PDE1C: variants seen among roughly 807,000 people sequenced by gnomAD.
The protein encoded by PDE1C is phosphodiesterase 1C.
PDE1C carries 62 observed loss-of-function variants against 93.1 expected under a neutral mutation model. The observed-to-expected ratio is 0.67, with a 90% CI of 0.54 to 0.82. The LOEUF (loss-of-function observed/expected upper bound fraction) is 0.82, where lower values mean the gene tolerates loss of function less well. Among genes scored for constraint, PDE1C ranks in the 40% least tolerant of loss-of-function variants. The pLI is 0.00. For missense variants in PDE1C, 742 were observed against 884.6 expected, an observed-to-expected ratio of 0.84 and a Z score of 2.04; for synonymous variants, 325 against 310.1, an observed-to-expected ratio of 1.05 and a Z score of -0.50.
chr7:32,223,909 C>A (rs933706143), intron 1 of PDE1C, among the ~76,000 whole-genome samples: 2 of 152,196 alleles, frequency 1.3e-5, no homozygotes, highest in African/African-American at 4.8e-5. Context: ...CAAAACGCTG[C>A]ACAATGTGGC....
At chr7:32,007,215 C>T (rs1231972007) in intron 2 of PDE1C, among the ~76,000 whole-genome samples, 1 of 152,180 alleles carries the variant, frequency 6.6e-6, no homozygotes, top group East Asian at 1.9e-4. Context: ...CCATTGCTTG[C>T]CATTTTCTGT....
the PDE1C span, among the ~76,000 whole-genome samples, chr7:31,664,512 A>C: frequency 6.6e-6 from 1 of 152,234 alleles, no homozygotes; most frequent in South Asian, 2.1e-4. Flanking sequence ...TCCAGTTGCC[A>C]TAAGAATGGG....
intron 3 of PDE1C, among the ~76,000 whole-genome samples, chr7:32,128,261 T>A (rs1426286321): frequency 6.6e-6 from 1 of 151,828 alleles, no homozygotes; most frequent in African/African-American, 2.4e-5. Flanking sequence ...AAATGAATGC[T>A]TTAACTATTT....
At chr7:32,409,124 A>G (rs1451974397) in intron 1 of PDE1C, among the ~76,000 whole-genome samples, 1 of 152,178 alleles carries the variant, frequency 6.6e-6, no homozygotes, top group Non-Finnish European at 1.5e-5. Flanking sequence ...TCCTAGGCCA[A>G]GGTGGGCAGA....
chr7:31,804,990 C>T (rs531144998), intron 16 of PDE1C, among the ~76,000 whole-genome samples: 34 of 151,706 alleles, frequency 2.2e-4, no homozygotes, highest in Non-Finnish European at 4.1e-4. Flanking sequence ...GAGGGACCCT[C>T]GGGGAGGTAA....
intron 1 of PDE1C, among the ~76,000 whole-genome samples, chr7:32,308,128 T>A (rs559527506): frequency 3.2e-4 from 49 of 152,338 alleles, no homozygotes; most frequent in Non-Finnish European, 4.7e-4. Context: ...GTCTCGCTGA[T>A]TGCTAGCACA....
intron 8 of PDE1C, among the ~76,000 whole-genome samples, chr7:31,850,050 T>G (rs1414713359): frequency 6.6e-6 from 1 of 151,958 alleles, no homozygotes; most frequent in African/African-American, 2.4e-5. Flanking sequence ...CGACGGGAGG[T>G]TTGTGATTAC....
At chr7:32,257,790 C>T (rs1156332931) in intron 1 of PDE1C, among the ~76,000 whole-genome samples, 1 of 152,246 alleles carries the variant, frequency 6.6e-6, no homozygotes, top group East Asian at 1.9e-4. Flanking sequence ...GCCAACCAGA[C>T]ACCAGCAAGG....
chr7:31,944,151 C>T (rs530060799), intron 2 of PDE1C, among the ~76,000 whole-genome samples: 1 of 152,264 alleles, frequency 6.6e-6, no homozygotes, highest in South Asian at 2.1e-4. Context: ...CCAAACCCCA[C>T]TTTTCAAATC....
rs1244284553 is a variant in PDE1C at position 31,850,643 on chromosome 7, A to C, written c.849T>G (p.Thr283=). ...TGTTNNFHIQ[T]RSDPAILYND... The stretch of plus-strand genomic sequence containing the variant: ...TCCAAACATTTAAACACCCTCACCG[A>C]GTCTGAATGTGGAAATTGTTGGTGG... Residue 283 remains threonine (T), a splice_region_variant and synonymous_variant, in exon 8 of 18, where the codon ACT becomes ACG. Transcript: ENST00000396191. 6.2e-7 allele frequency: 1 copy of C among 1,605,774 alleles called. No homozygotes were observed. The highest frequency in any genetic ancestry group is 1.7e-5 in the Admixed American group (1 of 59,960).
chr7:32,356,348 T>C (rs1784029420), intron 1 of PDE1C, among the ~76,000 whole-genome samples: 1 of 152,180 alleles, frequency 6.6e-6, no homozygotes, highest in Non-Finnish European at 1.5e-5. Context: ...GTTGGCTCCT[T>C]GTTAATTACA....
chr7:32,395,592 T>C (rs1246024741), intron 1 of PDE1C, among the ~76,000 whole-genome samples: 2 of 152,142 alleles, frequency 1.3e-5, no homozygotes, highest in Non-Finnish European at 2.9e-5. Context: ...GAAGTGAACT[T>C]ACAGTTTTTA....
intron 2 of PDE1C, among the ~76,000 whole-genome samples, chr7:31,970,111 GT>G (rs1409725055): frequency 6.6e-6 from 1 of 152,108 alleles, no homozygotes; most frequent in Non-Finnish European, 1.5e-5. Context: ...CCTGCACGTT[GT>G]GCACATGTAC....
intron 1 of PDE1C, among the ~76,000 whole-genome samples, chr7:32,269,309 G>A (rs1350889496): frequency 2.6e-5 from 4 of 152,114 alleles, no homozygotes; most frequent in South Asian, 2.1e-4. Flanking sequence ...AGTATCCACC[G>A]ACCACATTTA....
At chr7:31,706,633 A>C in the PDE1C span, among the ~76,000 whole-genome samples, 1 of 152,210 alleles carries the variant, frequency 6.6e-6, no homozygotes, top group Non-Finnish European at 1.5e-5. Flanking sequence ...CCCTGGATGT[A>C]GTAAAATGCT....
At chr7:32,374,208 GGGA>G (rs1276169765) in intron 1 of PDE1C, among the ~76,000 whole-genome samples, 36 of 134,584 alleles carry the variant, frequency 2.7e-4, no homozygotes, top group African/African-American at 1.0e-3. Flanking sequence ...GGGAAAGAGA[GGGA>G]AAGAAAGGGA....
chr7:32,318,906 G>A (rs1280837246), intron 1 of PDE1C, among the ~76,000 whole-genome samples: 2 of 152,196 alleles, frequency 1.3e-5, no homozygotes, highest in African/African-American at 2.4e-5. Flanking sequence ...ACTGAGGTTC[G>A]GGAGGGCTGG....
chr7:32,265,024 T>C (rs1001770376), intron 1 of PDE1C, among the ~76,000 whole-genome samples: 1 of 152,180 alleles, frequency 6.6e-6, no homozygotes, highest in Non-Finnish European at 1.5e-5. Flanking sequence ...CAGTTTGTGA[T>C]AGAACTCACT....
At chr7:32,209,596 A>C in intron 1 of PDE1C, 1 of 1,401,956 alleles carries the variant, frequency 7.1e-7, no homozygotes, top group Non-Finnish European at 9.8e-7. Context: ...TCCACCAAAT[A>C]TGCCCCAATA....
Sources: gnomAD v4.1 joint callset for allele counts (sites outside exome capture counted in the v4.1 genomes callset) on GRCh38, gnomAD v4.1.1 for gene constraint, MANE v1.5 for transcripts, NCBI Gene and HGNC (gene_info 2026-07-23, HGNC 2026-07-21) for gene names.